UNC93A: variants seen among roughly 807,000 people sequenced by gnomAD.
The protein encoded by UNC93A is unc-93 homolog A.
A neutral mutation model predicts 47.5 loss-of-function variants in UNC93A; 43 were observed. The observed-to-expected ratio is 0.91, with a 90% CI of 0.71 to 1.17. UNC93A has a LOEUF of 1.17. Ranked by LOEUF, UNC93A falls within the 50% of genes most tolerant of loss-of-function variation. The pLI is 0.00. For synonymous variants in UNC93A, 280 were observed against 258.0 expected, an observed-to-expected ratio of 1.09 and a Z score of -0.82; for missense variants, 605 against 577.6, an observed-to-expected ratio of 1.05 and a Z score of -0.49.
chr6:167,312,446 A>AT (rs1252399453), intron 7 of UNC93A, among the ~76,000 whole-genome samples: 1 of 152,134 alleles, frequency 6.6e-6, no homozygotes, highest in African/African-American at 2.4e-5. Context: ...TAATTCTTCC[A>AT]TAAAAAACGC....
rs776526875 is a variant in UNC93A, at chr6:167,305,922, T to C, written c.848T>C (p.Val283Ala). ...FLSSEYTRSY[V>A]TCTLGIQFVG... ...CTGCACCCCTCTCCCCAGTCCTATG[T>C]CACCTGCACCCTGGGCATCCAGTTC... The change falls in exon 6 of 8, where the codon GTC (valine) becomes GCC (alanine). Residue 283 changes from valine (V) to alanine (A), a missense_variant. Coordinates refer to ENST00000230256, the MANE Select transcript of UNC93A (RefSeq NM_018974.4). The C allele has an allele frequency of 6.2e-7, 1 of 1,614,164 alleles. No homozygotes were observed. Among genetic ancestry groups the C allele is most frequent in the South Asian group, 1.1e-5 (1 of 91,082 alleles).
At chr6:167,275,098 G>A (rs761671231) in intron 1 of UNC93A, among the ~76,000 whole-genome samples, 10 of 152,160 alleles carry the variant, frequency 6.6e-5, no homozygotes, top group Non-Finnish European at 1.2e-4. Context: ...AGCTGACCGT[G>A]GCATCTGTGT....
intron 1 of UNC93A, among the ~76,000 whole-genome samples, chr6:167,292,555 C>A (rs185084107): frequency 6.4e-4 from 98 of 152,288 alleles, no homozygotes; most frequent in Non-Finnish European, 6.0e-4. Context: ...GAACTCCTAT[C>A]TGGTTCTATT....
At chr6:167,305,842 C>T in intron 5 of UNC93A, 73 bp from the exon 6 acceptor site, 7 of 1,604,054 alleles carry the variant, frequency 4.4e-6, no homozygotes, top group Non-Finnish European at 6.0e-6. Flanking sequence ...TTCTAAGCAC[C>T]CGACTGCAGC....
At chr6:167,286,359 G>T (rs1259227825), upstream of UNC93A, among the ~76,000 whole-genome samples, 3 of 152,218 alleles carry the variant, frequency 2.0e-5, no homozygotes, top group Non-Finnish European at 2.9e-5. Flanking sequence ...CGGCACAGTG[G>T]CTTCTCAAGG....
At chr6:167,313,191 C>A (rs2294233) in intron 7 of UNC93A, among the ~76,000 whole-genome samples, 17,727 of 152,170 alleles carry the variant, frequency 0.12, 1,212 homozygotes, top group African/African-American at 0.19. Context: ...ACTTTCCAGC[C>A]ACCTTCTGGG....
chr6:167,275,054 A>G (rs1783516798), intron 1 of UNC93A, among the ~76,000 whole-genome samples: 1 of 152,216 alleles, frequency 6.6e-6, no homozygotes, highest in Non-Finnish European at 1.5e-5. Flanking sequence ...CAGCAACACC[A>G]CGTGGAAGTG....
chr6:167,280,466 T>C (rs558575374), intron 1 of UNC93A, among the ~76,000 whole-genome samples: 2 of 152,328 alleles, frequency 1.3e-5, no homozygotes, highest in East Asian at 3.9e-4. Context: ...TCCTTGAGGT[T>C]TCTCTTCAAA....
upstream of UNC93A, among the ~76,000 whole-genome samples, chr6:167,269,902 A>C (rs970700880): frequency 2.2e-4 from 33 of 152,170 alleles, no homozygotes; most frequent in Admixed American, 2.0e-3. Context: ...GGCGTGAGCC[A>C]CTGGGCCCGG....
Position 167,291,440 on chromosome 6 carries a change from G to T in UNC93A, c.-50G>T, listed in dbSNP as rs55835823. Reference sequence around the variant, plus strand: ...CATGCCTCAATTGGTTTCTTTTAGGGAGCTACAAATTTACGTGTTCACTGG... The same window carrying T: ...CATGCCTCAATTGGTTTCTTTTAGGTAGCTACAAATTTACGTGTTCACTGG... On this transcript the variant is annotated 5_prime_UTR_variant, in exon 1 of 8. It introduces an in-frame stop codon into an upstream open reading frame of the 5' UTR. Coordinates refer to ENST00000230256, the MANE Select transcript of UNC93A (RefSeq NM_018974.4). 2 of 1,558,270 alleles carry T rather than the reference G, an allele frequency of 1.3e-6. No individual in the cohort carries two copies. Among genetic ancestry groups the T allele is most frequent in the African/African-American group, 1.4e-5 (1 of 73,118 alleles).
intron 6 of UNC93A, among the ~76,000 whole-genome samples, chr6:167,306,868 G>T (rs532371547): frequency 6.6e-6 from 1 of 152,186 alleles, no homozygotes; most frequent in East Asian, 1.9e-4. Context: ...CCTCTGTGGC[G>T]TCTTGAGCGT....
Position 167,291,487 on chromosome 6 carries a change from A to C in UNC93A, c.-3A>C, listed in dbSNP as rs367742027. On this transcript the variant is annotated 5_prime_UTR_variant, in exon 1 of 8. Transcript: ENST00000230256. ...CTGGTGATTGATCTTTTCATCCAGC[A>C]CAATGGACAGAAGTCTAAGGAACGT... The C allele has an allele frequency of 2.1e-4, 333 of 1,613,138 alleles. No individual in the cohort carries two copies. Among genetic ancestry groups the C allele is most frequent in the Non-Finnish European group, 2.7e-4 (320 of 1,179,746 alleles).
intron 2 of UNC93A, among the ~76,000 whole-genome samples, chr6:167,295,529 G>C (rs368772546): frequency 0.018 from 889 of 48,394 alleles, 86 homozygotes; most frequent in East Asian, 0.058. Context: ...CTCCTCGCCT[G>C]CCTCGTGCTC....
intron 4 of UNC93A, chr6:167,298,340 T>G (rs1440141569): frequency 6.4e-6 from 2 of 312,658 alleles, no homozygotes; most frequent in African/African-American, 4.3e-5. Flanking sequence ...ACTGTGGTTG[T>G]TTACATCTTA....
At chr6:167,280,585 TCAGA>T (rs1433371196) in intron 1 of UNC93A, among the ~76,000 whole-genome samples, 1 of 151,766 alleles carries the variant, frequency 6.6e-6, no homozygotes, top group African/African-American at 2.4e-5. Flanking sequence ...CCTTAGAGAG[TCAGA>T]CAGAGAGCCC....
chr6:167,288,872 C>G (rs1322521297), upstream of UNC93A, among the ~76,000 whole-genome samples: 1 of 152,358 alleles, frequency 6.6e-6, no homozygotes, highest in Admixed American at 6.5e-5. Flanking sequence ...TTCCGGAACA[C>G]GCGTGCTCTG....
intron 1 of UNC93A, among the ~76,000 whole-genome samples, chr6:167,274,356 G>T (rs114188835): frequency 6.7e-6 from 1 of 150,008 alleles, no homozygotes; most frequent in Admixed American, 6.6e-5. Flanking sequence ...AAAATCCTAC[G>T]TATTCCACGT....
At chr6:167,290,629 A>C (rs1783823489), upstream of UNC93A, among the ~76,000 whole-genome samples, 1 of 152,240 alleles carries the variant, frequency 6.6e-6, no homozygotes, top group African/African-American at 2.4e-5. Context: ...ATTAACTAAA[A>C]GGAGATGCAG....
intron 2 of UNC93A, among the ~76,000 whole-genome samples, chr6:167,295,392 C>A (rs139279107): frequency 0.032 from 4,746 of 149,188 alleles, 249 homozygotes; most frequent in African/African-American, 0.11. Context: ...CTCCCTCGTG[C>A]TCCTCGCCTC....
Sources: allele counts gnomAD v4.1 joint callset (sites outside exome capture counted in the v4.1 genomes callset), GRCh38; gene constraint gnomAD v4.1.1; transcripts MANE v1.5; gene names NCBI Gene and HGNC (gene_info 2026-07-23, HGNC 2026-07-21).